The following SNX32 variants were observed in gnomAD, a reference collection of about 807,000 sequenced individuals.
SNX32 encodes sorting nexin-32.
SNX32 carries 58 observed loss-of-function variants against 57.0 expected under a neutral mutation model. The observed-to-expected ratio is 1.02, with a 90% confidence interval of 0.82 to 1.27. SNX32 has a LOEUF of 1.27. Among genes scored for constraint, SNX32 ranks in the 50% most tolerant of loss-of-function variants. SNX32 has a pLI of 0.00. For synonymous variants in SNX32, 262 were observed against 220.4 expected, an observed-to-expected ratio of 1.19 and a Z score of -1.67; for missense variants, 589 against 541.2, an observed-to-expected ratio of 1.09 and a Z score of -0.88.
chr11:65,844,006 C>T (rs1858918796), intron 1 of SNX32, among the ~76,000 whole-genome samples: 1 of 152,130 alleles, frequency 6.6e-6, no homozygotes, highest in African/African-American at 2.4e-5. Context: ...AGTTACACTC[C>T]CCATGCGCAA....
At chr11:65,839,163 C>T (rs1459564172) in intron 1 of SNX32, among the ~76,000 whole-genome samples, 1 of 149,576 alleles carries the variant, frequency 6.7e-6, no homozygotes, top group East Asian at 1.9e-4. Flanking sequence ...ATTCTCCTGC[C>T]TCAGTCTCCC....
In SNX32 at chr11:65,853,465, C is replaced by A; in HGVS notation, c.*130C>A. The A allele has an allele frequency of 4.2e-6, 4 of 944,550 alleles. No individual in the cohort carries two copies. Among genetic ancestry groups the A allele is most frequent in the Non-Finnish European group, 6.6e-6 (4 of 603,200 alleles). 58.5% of individuals were successfully genotyped at this position (944,550 alleles called of 1,614,324 possible). A position where few individuals can be genotyped will look rare whatever the true frequency, so the allele number is the denominator to read the frequency against. On this transcript the variant is annotated 3_prime_UTR_variant, in exon 13 of 13. Transcript: ENST00000308342. ...CCACACCCTCACTCTGCCCCACATC[C>A]TCTCAGGGAAAGCCCAAACCCCCTA...
chr11:65,850,432 G>C lies in SNX32; in HGVS notation c.376G>C (p.Glu126Gln). The C allele has an allele frequency of 6.2e-7, 1 of 1,614,202 alleles. No individual in the cohort carries two copies. The highest frequency in any genetic ancestry group is 8.5e-7 in the Non-Finnish European group (1 of 1,180,014). Residue 126 changes from glutamate (E) to glutamine (Q), a missense_variant and splice_region_variant, in exon 5 of 13, where the codon GAG (glutamate) becomes CAG (glutamine). Transcript: ENST00000308342. The part of the protein sequence containing the change: ...FAKMKQELEA[E>Q]YLAIFKKTVA... ...GGTGAGCTGCTGCCACTCTCGCAGG[G>C]AGTACCTGGCCATCTTTAAGAAGAC...
Position 65,851,100 on chromosome 11 carries a change from T to G in SNX32, c.649T>G (p.Tyr217Asp). The G allele has an allele frequency of 6.2e-7, 1 of 1,613,804 alleles. No homozygotes were observed. The highest frequency in any genetic ancestry group is 8.5e-7 in the Non-Finnish European group (1 of 1,179,962). ...FEHERTFLLE[Y>D]HTRIRDACLR... The stretch of plus-strand genomic sequence containing the variant: ...GCATGAGAGGACCTTCCTGTTGGAG[T>G]ATCACACCCGTATCCGAGATGCCTG... The change falls in exon 7 of 13, where the codon TAT (tyrosine) becomes GAT (aspartate). Residue 217 changes from tyrosine to aspartate, a missense_variant. Transcript: ENST00000308342.
At position 65,850,214 on chromosome 11, in the gene SNX32, AG is replaced by A. The variant is rs766839580; in HGVS notation, c.322del (p.Asp108ThrfsTer12). 1.2e-6 allele frequency: 2 copies of A among 1,614,212 alleles called. No homozygotes were observed. Among genetic ancestry groups the A allele is most frequent in the South Asian group, 2.2e-5 (2 of 91,086 alleles). ...AGGGAAAAGCTACAGAAATTGGGCG[AG>A]GGGGACAGCTCTGTCACTCGGGAAG... Reference protein sequence around the residue: ...ASREKLQKLGEGDSSVTREEF... With the variant: ...ASREKLQKLGXGDSSVTREEF... On this transcript the variant is annotated frameshift_variant, in exon 4 of 13. Transcript: ENST00000308342. LOFTEE classifies it high-confidence loss of function.
chr11:65,853,200 C>T (rs1415810212), intron 12 of SNX32, 82 bp from the exon 13 acceptor site: 9 of 1,579,818 alleles, frequency 5.7e-6, no homozygotes, highest in South Asian at 4.4e-5. Context: ...GTGTGGGGAG[C>T]GAGGGAGCAT....
Position 65,845,143 on chromosome 11 carries a change from A to T in SNX32, c.37-4335A>T, listed in dbSNP as rs542350724. The stretch of plus-strand genomic sequence containing the variant: ...AGAACACCCCCCTGCTTTAAAAAAA[A>T]AAAAAAAAAAAAAAGGCTGGGTGTG... On this transcript the variant is annotated intron_variant, in intron 1 of 12. Coordinates refer to ENST00000308342, the MANE Select transcript of SNX32 (RefSeq NM_152760.3). Among the ~76,000 whole-genome samples, 12 of 149,998 alleles carry T rather than the reference A, an allele frequency of 8.0e-5. No homozygotes were observed. The East Asian group carries it at 2.2e-3, about 27-fold the overall frequency.
At chr11:65,834,246 T>C (rs917782086) in intron 1 of SNX32, 145 bp downstream of exon 1, 1 of 906,988 alleles carries the variant, frequency 1.1e-6, no homozygotes, top group African/African-American at 1.7e-5. Context: ...GTGTATAGTC[T>C]GCATGTGTCT....
At chr11:65,852,353 TG>T (rs1275727665) in intron 9 of SNX32, 111 bp from the exon 10 acceptor site, 19 of 954,838 alleles carry the variant, frequency 2.0e-5, no homozygotes, top group South Asian at 8.4e-5. Flanking sequence ...AGACCTGACC[TG>T]GAACAGTTAC....
chr11:65,835,039 A>G (rs2134685499), intron 1 of SNX32, among the ~76,000 whole-genome samples: 2 of 132,340 alleles, frequency 1.5e-5, no homozygotes, highest in African/African-American at 2.9e-5. Context: ...GTGTCTGTGT[A>G]TCTGTGTGTG....
Position 65,853,325 on chromosome 11 carries a change from G to T in SNX32, c.1202G>T (p.Gly401Val). 6.2e-7 allele frequency: 1 copy of T among 1,614,036 alleles called. No homozygotes were observed. The highest frequency in any genetic ancestry group is 8.5e-7 in the Non-Finnish European group (1 of 1,179,992). The part of the protein sequence containing the change: ...ILRNTLVALK[G>V]EP ...CGGAACACCCTTGTTGCCCTAAAGG[G>T]GGAGCCTTAGAGTAGCCAGAGCTCA... The change falls in exon 13 of 13, where the codon GGG (glycine) becomes GTG (valine). Residue 401 changes from glycine to valine, a missense_variant. Physicochemically the swap from Gly to Val is moderately radical, Grantham distance 109. Coordinates refer to ENST00000308342, the MANE Select transcript of SNX32 (RefSeq NM_152760.3).
chr11:65,836,972 C>T (rs894259888), intron 1 of SNX32, among the ~76,000 whole-genome samples: 9 of 151,930 alleles, frequency 5.9e-5, no homozygotes, highest in South Asian at 2.1e-4. Flanking sequence ...ACCTAGATGA[C>T]GGGTTGATAG....
In SNX32 at chr11:65,845,646, G is replaced by A. The variant is rs577880485; in HGVS notation, c.37-3832G>A. Among the ~76,000 whole-genome samples the A allele has an allele frequency of 1.4e-4, 21 of 152,056 alleles. No individual in the cohort carries two copies. In the South Asian group the frequency reaches 3.5e-3, roughly 26 times the overall value. ...CCAGCTACTCAGGAAGCTGAGGCAG[G>A]AGAATCGCTTGAACCAGGAGGCAGA... On this transcript the variant is annotated intron_variant, in intron 1 of 12. Coordinates refer to ENST00000308342, the MANE Select transcript of SNX32 (RefSeq NM_152760.3).
At position 65,833,996 on chromosome 11, in the gene SNX32, T is replaced by G. The variant is rs1480194931; in HGVS notation, c.-70T>G. 43 of 1,526,044 alleles carry G rather than the reference T, an allele frequency of 2.8e-5. No individual in the cohort carries two copies. In the Admixed American group the frequency reaches 8.4e-4, roughly 30 times the overall value. 94.5% of individuals were successfully genotyped at this position (1,526,044 alleles called of 1,614,324 possible). On this transcript the variant is annotated 5_prime_UTR_variant, in exon 1 of 13. Transcript: ENST00000308342. The stretch of plus-strand genomic sequence containing the variant: ...AGAGCATCCTCACTCGGTCAGTTCC[T>G]CGGGCGAGTTACGGGGACGACCTGC...
In SNX32 at chr11:65,842,720, G is replaced by C. The variant is rs530449549; in HGVS notation, c.37-6758G>C. Among the ~76,000 whole-genome samples, 369 of 151,450 alleles carry C rather than the reference G, an allele frequency of 2.4e-3. 1 individual carries two copies. Among genetic ancestry groups the C allele is most frequent in the South Asian group, 0.016 (77 of 4,794 alleles). On this transcript the variant is annotated intron_variant, in intron 1 of 12. Transcript: ENST00000308342. ...ATCCCAGCACTTTGGGAGAACAAGG[G>C]GGGGTGGATCGCCTGAGGTCAGGAG... is the stretch of plus-strand genomic sequence containing the variant.
chr11:65,846,082 G>A (rs1858985190), intron 1 of SNX32, among the ~76,000 whole-genome samples: 1 of 151,580 alleles, frequency 6.6e-6, no homozygotes, highest in South Asian at 2.1e-4. Context: ...GACCAGCCTG[G>A]CCAACATGGT....
intron 5 of SNX32, 43 bp from the exon 6 acceptor site, chr11:65,850,708 G>A (rs1459060336): frequency 6.3e-7 from 1 of 1,592,452 alleles, no homozygotes; most frequent in Non-Finnish European, 8.6e-7. Flanking sequence ...GGTGGGAGGT[G>A]AGAACGCCCA....
intron 1 of SNX32, among the ~76,000 whole-genome samples, chr11:65,847,163 AC>A (rs1164385178): frequency 6.6e-6 from 1 of 151,882 alleles, no homozygotes; most frequent in Non-Finnish European, 1.5e-5. Context: ...GTGCCACCAC[AC>A]CCAGCTAATT....
At position 65,849,947 on chromosome 11, in the gene SNX32, G is replaced by A. The variant is rs758572291; in HGVS notation, c.169G>A (p.Glu57Lys). The change falls in exon 3 of 13, where the codon GAG becomes AAG. Residue 57 changes from glutamate (E) to lysine (K), a missense_variant. Glu to Lys is a moderately conservative substitution (Grantham distance 56). Coordinates refer to ENST00000308342, the MANE Select transcript of SNX32 (RefSeq NM_152760.3). ...KSCLPHFAQT[E>K]FSVVRQHEEF... ...CTGCCTCCCTCACTTCGCCCAGACC[G>A]AGTTCTCAGTCGTGCGGCAGCACGA... is the stretch of plus-strand genomic sequence containing the variant. The A allele has an allele frequency of 1.3e-5, 20 of 1,591,386 alleles. No homozygotes were observed. The highest frequency in any genetic ancestry group is 1.7e-5 in the Admixed American group (1 of 58,522).
Sources: gnomAD v4.1 joint callset for allele counts (sites outside exome capture counted in the v4.1 genomes callset) on GRCh38, gnomAD v4.1.1 for gene constraint, MANE v1.5 for transcripts, NCBI Gene and HGNC (gene_info 2026-07-23, HGNC 2026-07-21) for gene names.